LRRC8D: variants seen among roughly 807,000 people sequenced by gnomAD.
The protein encoded by LRRC8D is leucine rich repeat containing 8 VRAC subunit D.
LRRC8D carries 20 observed loss-of-function variants against 55.8 expected under a neutral mutation model. The observed-to-expected ratio is 0.36, with a 90% CI of 0.25 to 0.52. LRRC8D has a LOEUF of 0.52. Among genes scored for constraint, LRRC8D ranks in the 20% least tolerant of loss-of-function variants. The pLI is 0.93. For synonymous variants in LRRC8D, 352 were observed against 377.0 expected, an observed-to-expected ratio of 0.93 and a Z score of 0.77; for missense variants, 651 against 1,030.8, an observed-to-expected ratio of 0.63 and a Z score of 5.05.
In LRRC8D at chr1:89,933,984, A is replaced by G; in HGVS notation, c.916A>G (p.Lys306Glu). The G allele has an allele frequency of 1.2e-6, 2 of 1,614,190 alleles. No individual in the cohort carries two copies. Among genetic ancestry groups the G allele is most frequent in the South Asian group, 2.2e-5 (2 of 91,088 alleles). The change falls in exon 3 of 3, where the codon AAA becomes GAA. Residue 306 changes from lysine to glutamate, a missense_variant. By Grantham distance (56) the Lys-to-Glu change is moderately conservative (BLOSUM62 1). This residue lies in a region of LRRC8D where 178 missense variants were observed against 374.9 expected (regional missense o/e 0.47). Coordinates refer to ENST00000337338, the MANE Select transcript of LRRC8D (RefSeq NM_001134479.2). The surrounding 1 kb of genome is among the most constrained non-coding windows in gnomAD (Gnocchi z 7.0). ...AHVEDSDLIY[K>E]LYVVQTVIKT... ...TGTGGAAGATAGTGACTTGATCTAT[A>G]AACTCTATGTGGTCCAAACAGTTAT...
intron 2 of LRRC8D, among the ~76,000 whole-genome samples, chr1:89,886,647 A>G (rs1309647133): frequency 2.6e-5 from 4 of 152,198 alleles, no homozygotes; most frequent in Non-Finnish European, 5.9e-5. Flanking sequence ...TTCGCAGCCC[A>G]TAAGTTGGCA....
intron 2 of LRRC8D, among the ~76,000 whole-genome samples, chr1:89,895,744 T>C (rs1285305918): frequency 6.6e-6 from 1 of 152,214 alleles, no homozygotes; most frequent in Non-Finnish European, 1.5e-5. Context: ...TCTAAGAAGA[T>C]GAATAATCAT....
intron 2 of LRRC8D, among the ~76,000 whole-genome samples, chr1:89,910,416 G>A (rs139483876): frequency 6.6e-6 from 1 of 152,172 alleles, no homozygotes; most frequent in Non-Finnish European, 1.5e-5. Flanking sequence ...AAGACCTTAG[G>A]TAATATTGTT....
At chr1:89,912,601 A>G (rs1570884169) in intron 2 of LRRC8D, among the ~76,000 whole-genome samples, 1 of 152,124 alleles carries the variant, frequency 6.6e-6, no homozygotes, top group Non-Finnish European at 1.5e-5. Context: ...CTTGAAGAAA[A>G]TCACCTCCTT....
intron 2 of LRRC8D, among the ~76,000 whole-genome samples, chr1:89,902,985 G>A (rs977697177): frequency 2.6e-5 from 4 of 152,326 alleles, no homozygotes; most frequent in Non-Finnish European, 5.9e-5. Flanking sequence ...TGTGCACGGG[G>A]CACTGTGCTA....
intron 2 of LRRC8D, among the ~76,000 whole-genome samples, chr1:89,896,432 T>G (rs1283709990): frequency 1.3e-5 from 2 of 152,178 alleles, no homozygotes; most frequent in Admixed American, 1.3e-4. Flanking sequence ...GGACCTAGAA[T>G]GCAGATTTCT....
At chr1:89,913,982 C>T (rs536387214) in intron 2 of LRRC8D, among the ~76,000 whole-genome samples, 9 of 152,246 alleles carry the variant, frequency 5.9e-5, no homozygotes, top group South Asian at 2.1e-4. Context: ...TATTCTGATA[C>T]GGAAAAGTGT....
intron 2 of LRRC8D, among the ~76,000 whole-genome samples, chr1:89,920,125 A>C (rs1663373557): frequency 6.6e-6 from 1 of 152,232 alleles, no homozygotes; most frequent in Non-Finnish European, 1.5e-5. Flanking sequence ...GCTAGAAGTA[A>C]AAACAAATTC....
At chr1:89,882,111 T>C (rs1265990404) in intron 2 of LRRC8D, among the ~76,000 whole-genome samples, 1 of 152,208 alleles carries the variant, frequency 6.6e-6, no homozygotes, top group Non-Finnish European at 1.5e-5. Context: ...GTATGCTGCC[T>C]ACGGAGCTTT....
At position 89,933,048 on chromosome 1, in the gene LRRC8D, T is replaced by C. The variant is rs761635066; in HGVS notation, c.-2-19T>C. ...ATTTGCATCTCTAGAATAATGTCTT[T>C]TGTCTTCTTGTTTTCTAGGAATGTT... On this transcript the variant is annotated intron_variant, in intron 2 of 2. Transcript: ENST00000337338. The surrounding 1 kb of genome is among the most constrained non-coding windows in gnomAD (Gnocchi z 7.0). 45 of 1,593,264 alleles carry C rather than the reference T, an allele frequency of 2.8e-5. No homozygotes were observed. Among genetic ancestry groups the C allele is most frequent in the Non-Finnish European group, 3.8e-5 (44 of 1,164,780 alleles).
In LRRC8D at chr1:89,936,265, G is replaced by A. The variant is rs1019138086; in HGVS notation, c.*620G>A. 4 of 166,976 alleles carry A rather than the reference G, an allele frequency of 2.4e-5. No individual in the cohort carries two copies. Among genetic ancestry groups the A allele is most frequent in the African/African-American group, 9.7e-5 (4 of 41,422 alleles). The allele number at this position is 166,976 out of a possible 1,614,324, so 10.3% of individuals were successfully genotyped here. A position where few individuals can be genotyped will look rare whatever the true frequency, so the allele number is the denominator to read the frequency against. On this transcript the variant is annotated 3_prime_UTR_variant, in exon 3 of 3. Coordinates refer to ENST00000337338, the MANE Select transcript of LRRC8D (RefSeq NM_001134479.2). Reference sequence around the variant, plus strand: ...TGCAGTAGAGGTATGTGGATTTTTAGGGGTTTTGTTTTTTTAAGAATAAGT... The same window carrying A: ...TGCAGTAGAGGTATGTGGATTTTTAAGGGTTTTGTTTTTTTAAGAATAAGT...
chr1:89,927,366 C>T (rs1663594563), intron 2 of LRRC8D, among the ~76,000 whole-genome samples: 1 of 152,002 alleles, frequency 6.6e-6, no homozygotes, highest in African/African-American at 2.4e-5. Context: ...TTCAACACAC[C>T]CATGTAACCA....
chr1:89,924,635 C>CGGAGA (rs1663509726), intron 2 of LRRC8D, among the ~76,000 whole-genome samples: 1 of 152,124 alleles, frequency 6.6e-6, no homozygotes, highest in African/African-American at 2.4e-5. Context: ...CAGCACTATT[C>CGGAGA]ACAATAGCAA....
At chr1:89,831,936 G>A (rs1660896764) in intron 1 of LRRC8D, among the ~76,000 whole-genome samples, 1 of 152,192 alleles carries the variant, frequency 6.6e-6, no homozygotes, top group South Asian at 2.1e-4. Flanking sequence ...GCAGTCCCTA[G>A]GAAAAAGACG....
At chr1:89,921,272 A>T (rs151036146) in intron 2 of LRRC8D, among the ~76,000 whole-genome samples, 5,963 of 152,290 alleles carry the variant, frequency 0.039, 171 homozygotes, top group East Asian at 0.13. Flanking sequence ...CAGGAGGTCA[A>T]GGCTGCAGTG....
intron 1 of LRRC8D, 75 bp from the exon 2 acceptor site, chr1:89,843,563 G>A (rs906431341): frequency 1.2e-5 from 8 of 694,288 alleles, no homozygotes; most frequent in Non-Finnish European, 2.1e-5. Context: ...CCTCCCCGCC[G>A]CCCTGCACTC....
At chr1:89,920,445 G>GT (rs1331226482) in intron 2 of LRRC8D, among the ~76,000 whole-genome samples, 2 of 151,776 alleles carry the variant, frequency 1.3e-5, no homozygotes, top group African/African-American at 4.8e-5. Context: ...TATAAGGAGT[G>GT]TTTTTTTAAA....
intron 2 of LRRC8D, among the ~76,000 whole-genome samples, chr1:89,906,831 C>A (rs1663006904): frequency 1.3e-5 from 2 of 151,978 alleles, no homozygotes; most frequent in African/African-American, 4.8e-5. Context: ...GTCATCTCAG[C>A]TCAGCCTTGC....
chr1:89,821,720 G>C (rs952316942), intron 1 of LRRC8D, among the ~76,000 whole-genome samples: 6 of 152,052 alleles, frequency 3.9e-5, no homozygotes, highest in African/African-American at 1.2e-4. Context: ...CTGGCCCGGC[G>C]TCCAAAGGTG....
Sources: gnomAD v4.1 joint callset for allele counts (sites outside exome capture counted in the v4.1 genomes callset) on GRCh38, gnomAD v4.1.1 for gene constraint, gnomAD v4.1.1 regional missense constraint, Gnocchi (gnomAD v3.1) non-coding constraint, MANE v1.5 for transcripts, NCBI Gene and HGNC (gene_info 2026-07-23, HGNC 2026-07-21) for gene names.